SLC20A2: variants seen among roughly 807,000 people sequenced by gnomAD.
SLC20A2 encodes the protein sodium-dependent phosphate transporter 2.
In SLC20A2, 30 loss-of-function variants were observed where a neutral mutation model predicts 61.0. That is an observed-to-expected ratio of 0.49 (90% CI 0.37 to 0.67). The LOEUF is 0.67. Ranked by LOEUF, SLC20A2 falls within the 30% of genes least tolerant of loss-of-function variation. The pLI, the probability that SLC20A2 is intolerant of heterozygous loss-of-function variation, is 0.00. For synonymous variants in SLC20A2, 351 were observed against 353.3 expected, an observed-to-expected ratio of 0.99 and a Z score of 0.07; for missense variants, 626 against 866.4, an observed-to-expected ratio of 0.72 and a Z score of 3.48.
intron 1 of SLC20A2, among the ~76,000 whole-genome samples, chr8:42,525,862 C>A (rs1449320326): frequency 6.6e-6 from 1 of 152,050 alleles, no homozygotes; most frequent in Non-Finnish European, 1.5e-5. Context: ...CTCCCAACGA[C>A]AAAAGCTAGA....
intron 6 of SLC20A2, among the ~76,000 whole-genome samples, chr8:42,441,923 C>T (rs1488662078): frequency 6.6e-6 from 1 of 151,510 alleles, no homozygotes; most frequent in Non-Finnish European, 1.5e-5. Context: ...TGATGAAGTA[C>T]AATTTATCAA....
intron 1 of SLC20A2, among the ~76,000 whole-genome samples, chr8:42,531,976 G>A (rs1410571911): frequency 3.0e-5 from 4 of 133,514 alleles, no homozygotes; most frequent in African/African-American, 1.2e-4. Context: ...CTGCCACCAC[G>A]CCTGGCTAAT....
At chr8:42,535,762 T>C (rs1181550068) in intron 1 of SLC20A2, among the ~76,000 whole-genome samples, 1 of 152,166 alleles carries the variant, frequency 6.6e-6, no homozygotes, top group Non-Finnish European at 1.5e-5. Flanking sequence ...CAGAATCACT[T>C]AAGGATGGTT....
chr8:42,506,819 C>A (rs545473683), intron 1 of SLC20A2, among the ~76,000 whole-genome samples: 31 of 152,276 alleles, frequency 2.0e-4, no homozygotes, highest in African/African-American at 7.5e-4. Context: ...CCTTCCTTAC[C>A]CTAGGGAGTC....
intron 1 of SLC20A2, among the ~76,000 whole-genome samples, chr8:42,537,363 CCT>C (rs1812774350): frequency 7.8e-6 from 1 of 128,204 alleles, no homozygotes; most frequent in Non-Finnish European, 1.6e-5. Context: ...AGAGTGAGAC[CCT>C]GTCTCAAAAA....
intron 1 of SLC20A2, among the ~76,000 whole-genome samples, chr8:42,496,678 C>T (rs1809949990): frequency 6.6e-6 from 1 of 152,140 alleles, no homozygotes; most frequent in African/African-American, 2.4e-5. Context: ...AAAATGTGTC[C>T]CTCTCCTCTA....
intron 1 of SLC20A2, among the ~76,000 whole-genome samples, chr8:42,500,803 ATAAG>A (rs1810268390): frequency 6.6e-6 from 1 of 152,216 alleles, no homozygotes; most frequent in Non-Finnish European, 1.5e-5. Context: ...TTTTGCAAAA[ATAAG>A]TAAGAATCGA....
intron 1 of SLC20A2, among the ~76,000 whole-genome samples, chr8:42,496,065 G>A (rs1464196410): frequency 6.6e-6 from 1 of 152,164 alleles, no homozygotes; most frequent in African/African-American, 2.4e-5. Context: ...CCATTTTCAA[G>A]TGCTGAAATA....
chr8:42,504,675 C>G (rs1483409140), upstream of SLC20A2, among the ~76,000 whole-genome samples: 2 of 150,688 alleles, frequency 1.3e-5, no homozygotes, highest in Non-Finnish European at 3.0e-5. Context: ...AACCCTGTCT[C>G]TACTAAAAAT....
rs574339024 is a variant in SLC20A2, at chr8:42,524,698, A to T, written c.-265+17123T>A. On this transcript the variant is annotated intron_variant, in intron 1 of 10. Transcript: ENST00000342228. ...CTACTTGGGAGGCTGAGGCAGGAGA[A>T]TCGCTTGAACCCGGGAGGCAGAGGT... 9.9e-4 allele frequency among the ~76,000 whole-genome samples: 151 copies of T among 152,228 alleles called. 1 individual carries two copies. Among genetic ancestry groups the T allele is most frequent in the African/African-American group, 3.5e-3 (147 of 41,524 alleles).
At chr8:42,491,939 G>A (rs562371382) in intron 1 of SLC20A2, among the ~76,000 whole-genome samples, 1 of 152,152 alleles carries the variant, frequency 6.6e-6, no homozygotes, top group Non-Finnish European at 1.5e-5. Context: ...TGGCAGCCAG[G>A]ACATGCTGAT....
intron 3 of SLC20A2, among the ~76,000 whole-genome samples, chr8:42,465,121 G>C (rs1807051058): frequency 6.6e-6 from 1 of 151,700 alleles, no homozygotes; most frequent in Non-Finnish European, 1.5e-5. Flanking sequence ...GCAGTGACTC[G>C]ATCCCGGCTC....
At chr8:42,519,770 C>G (rs1190538214) in intron 1 of SLC20A2, among the ~76,000 whole-genome samples, 1 of 152,106 alleles carries the variant, frequency 6.6e-6, no homozygotes, top group Non-Finnish European at 1.5e-5. Flanking sequence ...CTTAAAGTGA[C>G]TTAAATTTAT....
chr8:42,507,737 T>C (rs1274282728), intron 1 of SLC20A2, among the ~76,000 whole-genome samples: 1 of 152,188 alleles, frequency 6.6e-6, no homozygotes, highest in Admixed American at 6.5e-5. Flanking sequence ...GCTCATAATG[T>C]GATGAGTCAT....
At chr8:42,498,183 T>C (rs1354896591) in intron 1 of SLC20A2, among the ~76,000 whole-genome samples, 2 of 152,160 alleles carry the variant, frequency 1.3e-5, no homozygotes, top group East Asian at 1.9e-4. Flanking sequence ...ATAATAATAA[T>C]AGTTTTAGGT....
At position 42,424,273 on chromosome 8, in the gene SLC20A2, CT is replaced by C. The variant is rs1282214303; in HGVS notation, c.1794+4484del. On this transcript the variant is annotated intron_variant, in intron 10 of 10. Coordinates refer to ENST00000520262, the MANE Select transcript of SLC20A2 (RefSeq NM_001257180.2). ...TGCTGAAACATAACATCTGAGGATT[CT>C]TTTATTTTCAAAACCGGTTTCTGTG... 4.9e-5 allele frequency among the ~76,000 whole-genome samples: 6 copies of C among 122,624 alleles called. No individual in the cohort carries two copies. In the Admixed American group the frequency reaches 6.6e-4, roughly 13 times the overall value. 80.4% of individuals were successfully genotyped at this position (122,624 alleles called of 152,430 possible).
intron 6 of SLC20A2, among the ~76,000 whole-genome samples, chr8:42,439,872 G>A (rs1003748263): frequency 6.6e-6 from 1 of 152,040 alleles, no homozygotes; most frequent in African/African-American, 2.4e-5. Flanking sequence ...GGATCACCAG[G>A]TCAGGAGTTT....
chr8:42,488,966 G>C (rs1336295675), intron 1 of SLC20A2, among the ~76,000 whole-genome samples: 1 of 119,830 alleles, frequency 8.3e-6, no homozygotes, highest in Non-Finnish European at 1.6e-5. Flanking sequence ...TTGAAATGGA[G>C]TCTTGCTCTG....
At chr8:42,521,024 G>C (rs1811606045) in intron 1 of SLC20A2, among the ~76,000 whole-genome samples, 1 of 121,000 alleles carries the variant, frequency 8.3e-6, no homozygotes, top group African/African-American at 2.5e-5. Context: ...CTGTTTATAA[G>C]TGCTGACTGC....
Sources: gnomAD v4.1 joint callset for allele counts (sites outside exome capture counted in the v4.1 genomes callset) on GRCh38, gnomAD v4.1.1 for gene constraint, MANE v1.5 for transcripts, NCBI Gene and HGNC (gene_info 2026-07-23, HGNC 2026-07-21) for gene names.